Variants in CSMD1 observed in about 807,000 individuals in gnomAD.
CSMD1 encodes CUB and sushi domain-containing protein 1.
A neutral mutation model predicts 417.5 loss-of-function variants in CSMD1; 213 were observed. The observed-to-expected ratio is 0.51, with a 90% CI of 0.46 to 0.57. The LOEUF (loss-of-function observed/expected upper bound fraction) is 0.57, where lower values mean the gene tolerates loss of function less well. Among genes scored for constraint, CSMD1 ranks in the 20% least tolerant of loss-of-function variants. The pLI is 0.00. For synonymous variants in CSMD1, 2,862 were observed against 1,736.8 expected (o/e 1.65, Z -16.11); for missense variants, 6,923 against 4,529.7 (o/e 1.53, Z -15.17).
intron 6 of CSMD1, among the ~76,000 whole-genome samples, chr8:3,721,117 C>G (rs574713821): frequency 6.6e-6 from 1 of 152,308 alleles, no homozygotes; most frequent in South Asian, 2.1e-4. Context: ...GCCACCATGC[C>G]CGGCCAGTTG....
chr8:3,189,732 T>G lies in CSMD1; in HGVS notation c.5398+180A>C. 1.5e-5 allele frequency among the ~76,000 whole-genome samples: 2 copies of G among 130,416 alleles called. 1 individual carries two copies. Among genetic ancestry groups the G allele is most frequent in the South Asian group, 4.5e-4 (2 of 4,480 alleles). The allele number at this position is 130,416 out of a possible 152,430, so 85.6% of individuals were successfully genotyped here. A position where few individuals can be genotyped will look rare whatever the true frequency, so the allele number is the denominator to read the frequency against. ...TCCTTGTTAAGATGATGAGTTGTTT[T>G]ATGAAACACAATAATTTTTAGGGTT... On this transcript the variant is annotated intron_variant, in intron 34 of 69. Transcript: ENST00000635120.
chr8:4,039,384 G>T (rs1395505992), intron 3 of CSMD1, among the ~76,000 whole-genome samples: 1 of 152,196 alleles, frequency 6.6e-6, no homozygotes, highest in Non-Finnish European at 1.5e-5. Context: ...CTGGCTTTGG[G>T]AAGGATTAGA....
chr8:4,639,581 G>C lies in CSMD1; in HGVS notation c.86-2023C>G, dbSNP rs572117546. On this transcript the variant is annotated intron_variant, in intron 1 of 69. Transcript: ENST00000635120. ...TGCTTTAAATGTATTTAAATGTTTT[G>C]ACACTAAAAATATTGAGAAAGTTTT... is the stretch of plus-strand genomic sequence containing the variant. Among the ~76,000 whole-genome samples, 8 of 152,168 alleles carry C rather than the reference G, an allele frequency of 5.3e-5. No individual in the cohort carries two copies. In the South Asian group the frequency reaches 1.7e-3, roughly 32 times the overall value.
At chr8:4,429,082 T>C (rs1169476767) in intron 2 of CSMD1, among the ~76,000 whole-genome samples, 3 of 151,974 alleles carry the variant, frequency 2.0e-5, no homozygotes, top group Non-Finnish European at 4.4e-5. Context: ...TCTCAGTATA[T>C]ATGTCCATCA....
chr8:3,774,885 A>G (rs1039203429), intron 5 of CSMD1, among the ~76,000 whole-genome samples: 1 of 152,142 alleles, frequency 6.6e-6, no homozygotes, highest in Non-Finnish European at 1.5e-5. Flanking sequence ...CTGAGCCCAT[A>G]TGTACACAAT....
Position 3,179,575 on chromosome 8 carries a change from TATA to T in CSMD1, c.5725+1532_5725+1534del, listed in dbSNP as rs540557308. 7.2e-5 allele frequency among the ~76,000 whole-genome samples: 11 copies of T among 152,166 alleles called. No individual in the cohort carries two copies. In the South Asian group the frequency reaches 1.7e-3, roughly 23 times the overall value. ...CCAGGTAAGTGCATATCTCACTGTA[TATA>T]ATAATAAGCATAGATGAATTATTTC... is the stretch of plus-strand genomic sequence containing the variant. On this transcript the variant is annotated intron_variant, in intron 37 of 69. Transcript: ENST00000635120.
chr8:3,945,836 G>C (rs138106682), intron 5 of CSMD1, among the ~76,000 whole-genome samples: 173 of 152,120 alleles, frequency 1.1e-3, no homozygotes, highest in African/African-American at 3.8e-3. Flanking sequence ...AGTATAAAAG[G>C]TAAATATTGA....
chr8:3,487,403 A>G (rs187930976), intron 11 of CSMD1, among the ~76,000 whole-genome samples: 1,960 of 152,134 alleles, frequency 0.013, 32 homozygotes, highest in African/African-American at 0.04. Flanking sequence ...GGGTTTCACC[A>G]TGTTAGCCAG....
At chr8:3,779,182 TGTATGTGC>T (rs909704470) in intron 5 of CSMD1, among the ~76,000 whole-genome samples, 32 of 151,580 alleles carry the variant, frequency 2.1e-4, no homozygotes, top group Non-Finnish European at 4.0e-4. Context: ...TGTGTGTGTG[TGTATGTGC>T]AGTATTTGAG....
chr8:4,059,295 G>T (rs1044948136), intron 3 of CSMD1, among the ~76,000 whole-genome samples: 3 of 148,330 alleles, frequency 2.0e-5, no homozygotes, highest in African/African-American at 5.0e-5. Context: ...TCAAAACACT[G>T]TGTAGAGTGA....
At chr8:3,897,871 T>C (rs1017755820) in intron 5 of CSMD1, among the ~76,000 whole-genome samples, 1 of 152,176 alleles carries the variant, frequency 6.6e-6, no homozygotes, top group African/African-American at 2.4e-5. Context: ...TTATAGCCTA[T>C]GGAATCTTGG....
At chr8:4,555,773 T>A (rs918985231) in intron 2 of CSMD1, among the ~76,000 whole-genome samples, 1 of 152,152 alleles carries the variant, frequency 6.6e-6, no homozygotes, top group African/African-American at 2.4e-5. Flanking sequence ...AAATGCAAAA[T>A]AATACTGAGA....
chr8:4,762,288 GGAGAGA>G (rs941289133), intron 1 of CSMD1, among the ~76,000 whole-genome samples: 2 of 151,916 alleles, frequency 1.3e-5, no homozygotes, highest in African/African-American at 4.8e-5. Context: ...GGGTAATTGG[GGAGAGA>G]GAAAGAATAG....
At chr8:4,820,878 G>C (rs747990795) in intron 1 of CSMD1, among the ~76,000 whole-genome samples, 7 of 152,154 alleles carry the variant, frequency 4.6e-5, no homozygotes, top group Non-Finnish European at 1.0e-4. Context: ...ACTTTTATAT[G>C]GAGGTGATTT....
intron 2 of CSMD1, among the ~76,000 whole-genome samples, chr8:4,587,008 C>G (rs958931794): frequency 6.6e-6 from 1 of 152,134 alleles, no homozygotes; most frequent in Non-Finnish European, 1.5e-5. Flanking sequence ...TAGAGATACC[C>G]ATTAAAAATA....
Position 3,931,096 on chromosome 8 carries a change from A to G in CSMD1, c.818+66807T>C, listed in dbSNP as rs559911708. ...AAAAATGTGACATCTTTCTTTACAT[A>G]TATCATTAAAGCCTAGGCCGATATT... On this transcript the variant is annotated intron_variant, in intron 5 of 69. Transcript: ENST00000635120. Among the ~76,000 whole-genome samples, 49 of 150,690 alleles carry G rather than the reference A, an allele frequency of 3.3e-4. 1 individual carries two copies. The highest frequency in any genetic ancestry group is 1.1e-3 in the African/African-American group (46 of 40,940).
chr8:3,536,572 A>T (rs1165010455), intron 10 of CSMD1, among the ~76,000 whole-genome samples: 1 of 152,162 alleles, frequency 6.6e-6, no homozygotes, highest in East Asian at 1.9e-4. Flanking sequence ...GAAATTCAGT[A>T]CTTGGTAGTC....
intron 7 of CSMD1, among the ~76,000 whole-genome samples, chr8:3,647,570 G>C (rs113843728): frequency 1.3e-5 from 2 of 152,114 alleles, no homozygotes; most frequent in African/African-American, 2.4e-5. Context: ...AGAGAAATAC[G>C]GCATAAAGAA....
chr8:3,495,411 T>C (rs1796324644), intron 10 of CSMD1, among the ~76,000 whole-genome samples: 2 of 152,062 alleles, frequency 1.3e-5, no homozygotes, highest in Admixed American at 6.5e-5. Flanking sequence ...TGTGTACAGA[T>C]AGGGGTCACA....
Sources: allele counts gnomAD v4.1 joint callset (sites outside exome capture counted in the v4.1 genomes callset), GRCh38; gene constraint gnomAD v4.1.1; transcripts MANE v1.5; gene names NCBI Gene and HGNC (gene_info 2026-07-23, HGNC 2026-07-21).